The following ADCY2 variants were observed in gnomAD, a reference collection of about 807,000 sequenced individuals.
The protein encoded by ADCY2 is adenylate cyclase 2.
In ADCY2, 31 loss-of-function variants were observed where a neutral mutation model predicts 125.2. The ratio of observed to expected loss-of-function variants is 0.25; its 90% CI spans 0.19 to 0.33. ADCY2 has a LOEUF of 0.33. Among genes scored for constraint, ADCY2 ranks in the 10% least tolerant of loss-of-function variants. The pLI, the probability that ADCY2 is intolerant of heterozygous loss-of-function variation, is 1.00. For missense variants in ADCY2, 904 were observed against 1,418.2 expected (o/e 0.64, Z 5.82); for synonymous variants, 512 against 548.4 (o/e 0.93, Z 0.93).
At chr5:7,789,924 G>A in intron 20 of ADCY2, 124 bp downstream of exon 20, 1 of 716,522 alleles carries the variant, frequency 1.4e-6, no homozygotes, top group South Asian at 2.2e-5. Context: ...TGTTCAAATT[G>A]GCCAAGATTG....
intron 3 of ADCY2, among the ~76,000 whole-genome samples, chr5:7,589,458 A>AAAG (rs1554022169): frequency 1.4e-4 from 10 of 72,932 alleles, no homozygotes; most frequent in Non-Finnish European, 1.9e-4. Context: ...GAAGGAAAGA[A>AAAG]AAAGAAAGAA....
intron 1 of ADCY2, among the ~76,000 whole-genome samples, chr5:7,405,756 G>T (rs953402961): frequency 6.6e-6 from 1 of 152,168 alleles, no homozygotes; most frequent in African/African-American, 2.4e-5. Context: ...GAGCCAATTT[G>T]GATTTTTAAA....
chr5:7,688,559 G>T (rs150843728), intron 4 of ADCY2, among the ~76,000 whole-genome samples: 1 of 152,004 alleles, frequency 6.6e-6, no homozygotes, highest in Non-Finnish European at 1.5e-5. Flanking sequence ...ATCAGCTACC[G>T]TGCCTGACCA....
intron 12 of ADCY2, among the ~76,000 whole-genome samples, chr5:7,720,305 T>C (rs1294791118): frequency 6.6e-6 from 1 of 152,250 alleles, no homozygotes; most frequent in Middle Eastern, 3.2e-3. Flanking sequence ...CCTTGTTTTC[T>C]ATAAGTCAAA....
At chr5:7,727,849 T>A (rs1741977906) in intron 14 of ADCY2, among the ~76,000 whole-genome samples, 1 of 152,076 alleles carries the variant, frequency 6.6e-6, no homozygotes, top group East Asian at 1.9e-4. Context: ...GGTGAATTCC[T>A]TCTGGTTCCA....
At chr5:7,699,136 C>T (rs1436117789) in intron 7 of ADCY2, among the ~76,000 whole-genome samples, 5 of 113,630 alleles carry the variant, frequency 4.4e-5, no homozygotes, top group Non-Finnish European at 8.2e-5. Flanking sequence ...CTCGCTCTGT[C>T]GCCCAGGCTG....
chr5:7,652,804 G>A (rs1739142944), intron 4 of ADCY2, among the ~76,000 whole-genome samples: 1 of 152,152 alleles, frequency 6.6e-6, no homozygotes, highest in Non-Finnish European at 1.5e-5. Context: ...ATGCTCCCTT[G>A]CCTTCTACAA....
rs763559291 is a variant in ADCY2 at position 7,707,800 on chromosome 5, C to G, written c.1363C>G (p.Gln455Glu). The stretch of plus-strand genomic sequence containing the variant: ...TGACATTAGGGACCCATATTTAAAA[C>G]AGCACCTGGTGAAAACCTACTTTGT... ...DGDIRDPYLK[Q>E]HLVKTYFVIN... The change falls in exon 9 of 25, where the codon CAG becomes GAG. Residue 455 changes from glutamine (Q) to glutamate (E), a missense_variant. Gln to Glu is a conservative substitution (Grantham distance 29). Coordinates refer to ENST00000338316, the MANE Select transcript of ADCY2 (RefSeq NM_020546.3). The G allele has an allele frequency of 3.7e-6, 6 of 1,613,948 alleles. No homozygotes were observed. In the African/African-American group the frequency reaches 6.7e-5, roughly 18 times the overall value.
intron 4 of ADCY2, among the ~76,000 whole-genome samples, chr5:7,675,618 T>C (rs182809163): frequency 5.3e-4 from 81 of 152,328 alleles, no homozygotes; most frequent in East Asian, 5.2e-3. Flanking sequence ...TGGATATTAA[T>C]TCCTTTAACC....
chr5:7,736,309 T>A (rs943160580), intron 14 of ADCY2, among the ~76,000 whole-genome samples: 1 of 152,264 alleles, frequency 6.6e-6, no homozygotes, highest in African/African-American at 2.4e-5. Flanking sequence ...TAGATTTTTT[T>A]AATTACTAAG....
chr5:7,564,535 G>C (rs988633274), intron 3 of ADCY2, among the ~76,000 whole-genome samples: 3 of 152,090 alleles, frequency 2.0e-5, no homozygotes, highest in African/African-American at 7.2e-5. Flanking sequence ...CCCAGCTGGC[G>C]GGTATTAAAA....
Position 7,520,791 on chromosome 5 carries a change from C to T in ADCY2, c.462C>T (p.Asn154=). 1 of 1,614,208 alleles carries T rather than the reference C, an allele frequency of 6.2e-7. No homozygotes were observed. Among genetic ancestry groups the T allele is most frequent in the Non-Finnish European group, 8.5e-7 (1 of 1,180,036 alleles). ...TGGTGTACACCATGCTGCCCTTCAA[C>T]ATGCGAGACGCCATCATTGCCAGCG... ...IFVVYTMLPF[N]MRDAIIASVL... The change falls in exon 3 of 25, where the codon AAC becomes AAT. Residue 154 remains asparagine (N), a synonymous_variant. Coordinates refer to ENST00000338316, the MANE Select transcript of ADCY2 (RefSeq NM_020546.3).
chr5:7,552,696 CATA>C (rs1441758347), intron 3 of ADCY2, among the ~76,000 whole-genome samples: 1 of 152,116 alleles, frequency 6.6e-6, no homozygotes, highest in Non-Finnish European at 1.5e-5. Context: ...AGTAGATTCT[CATA>C]ATATTTTGTT....
chr5:7,481,379 G>A (rs977173360), intron 2 of ADCY2, among the ~76,000 whole-genome samples: 1 of 152,120 alleles, frequency 6.6e-6, no homozygotes, highest in Non-Finnish European at 1.5e-5. Flanking sequence ...CCATTCTCTC[G>A]CCTCAGCTTC....
At position 7,725,923 on chromosome 5, in the gene ADCY2, C is replaced by T. The variant is rs893128191; in HGVS notation, c.1774-1241C>T. ...CCCATGTACACATATTTGCAGATGC[C>T]GACTTTAAAGCAAATTTTAGAGAGC... On this transcript the variant is annotated intron_variant, in intron 13 of 24. Transcript: ENST00000338316. 4.6e-5 allele frequency among the ~76,000 whole-genome samples: 7 copies of T among 152,150 alleles called. No homozygotes were observed. The South Asian group carries it at 6.2e-4, about 14-fold the overall frequency.
At chr5:7,754,311 T>A (rs1282951552) in intron 15 of ADCY2, among the ~76,000 whole-genome samples, 1 of 152,222 alleles carries the variant, frequency 6.6e-6, no homozygotes, top group African/African-American at 2.4e-5. Context: ...ATTTTGTAAT[T>A]TCAAAAATTT....
intron 9 of ADCY2, chr5:7,708,207 C>G (rs1370651515): frequency 6.2e-6 from 1 of 162,192 alleles, no homozygotes; most frequent in Non-Finnish European, 1.3e-5. Context: ...TGACTTAGGG[C>G]TTTAGAAGAT....
chr5:7,798,275 G>A (rs77344230), intron 20 of ADCY2: 3,018 of 152,370 alleles, frequency 0.02, 56 homozygotes, highest in South Asian at 0.027. Context: ...AGGGATGGGC[G>A]AAATGGCAGG....
intron 3 of ADCY2, among the ~76,000 whole-genome samples, chr5:7,581,719 G>T (rs1002481795): frequency 6.6e-6 from 1 of 151,820 alleles, no homozygotes; most frequent in Admixed American, 6.6e-5. Context: ...TACTTGGGAG[G>T]CTGAGGCAGG....
Sources: allele counts gnomAD v4.1 joint callset (sites outside exome capture counted in the v4.1 genomes callset), GRCh38; gene constraint gnomAD v4.1.1; transcripts MANE v1.5; gene names NCBI Gene and HGNC (gene_info 2026-07-23, HGNC 2026-07-21).